ARSG: variants seen among roughly 807,000 people sequenced by gnomAD.
The protein encoded by ARSG is arylsulfatase G, also known as ASG.
In ARSG, 37 loss-of-function variants were observed where a neutral mutation model predicts 50.5. The ratio of observed to expected loss-of-function variants is 0.73; its 90% CI spans 0.56 to 0.96. The LOEUF (loss-of-function observed/expected upper bound fraction) is 0.96, where lower values mean the gene tolerates loss of function less well. Among genes scored for constraint, ARSG ranks in the 50% least tolerant of loss-of-function variants. The pLI, the probability that ARSG is intolerant of heterozygous loss-of-function variation, is 0.00. For synonymous variants in ARSG, 225 were observed against 254.6 expected (o/e 0.88, Z 1.11); for missense variants, 629 against 675.3 (o/e 0.93, Z 0.76).
rs879276732 is a variant in ARSG, at chr17:68,390,630, A to AT, written c.1092-4433dup. 2.3e-4 allele frequency among the ~76,000 whole-genome samples: 35 copies of AT among 149,766 alleles called. No individual in the cohort carries two copies. The East Asian group carries it at 5.1e-3, about 22-fold the overall frequency. On this transcript the variant is annotated intron_variant, in intron 9 of 11. Transcript: ENST00000621439. The stretch of plus-strand genomic sequence containing the variant: ...GTGCCAGAGTCCATGGAATTTTGGA[A>AT]TTTTTTTTTTAAGATGGAATTTCCC...
intron 11 of ARSG, among the ~76,000 whole-genome samples, chr17:68,412,633 C>T (rs1001786554): frequency 1.6e-4 from 24 of 152,170 alleles, no homozygotes; most frequent in South Asian, 4.1e-4. Flanking sequence ...ATCTTTGTGG[C>T]GTTCTCTGTA....
At chr17:68,361,868 A>T (rs2079305452) in intron 6 of ARSG, among the ~76,000 whole-genome samples, 1 of 152,192 alleles carries the variant, frequency 6.6e-6, no homozygotes, top group Non-Finnish European at 1.5e-5. Flanking sequence ...GTGAGCCGAG[A>T]TCATGCCATT....
chr17:68,291,399 C>T (rs2075982994), upstream of ARSG: 1 of 150,018 alleles, frequency 6.7e-6, no homozygotes, highest in Non-Finnish European at 1.5e-5. Flanking sequence ...ATACCGGCTG[C>T]AGCCGGTCTC....
At chr17:68,328,730 C>T (rs1387828691) in intron 2 of ARSG, among the ~76,000 whole-genome samples, 5 of 152,136 alleles carry the variant, frequency 3.3e-5, no homozygotes, top group African/African-American at 9.7e-5. Context: ...GAGGGATGTC[C>T]AGTGGTGTCT....
At position 68,274,043 on chromosome 17, in the gene ARSG, C is replaced by T. The variant is rs782723811; in HGVS notation, c.-552+14617C>T. On this transcript the variant is annotated intron_variant, in intron 1 of 11. Coordinates refer to the ARSG transcript ENST00000448504. ...CATCACTACCAGACGGTGTCCGAAA[C>T]GATTGCTCAGGACTGTGGCGAGGGG... 13 of 1,613,992 alleles carry T rather than the reference C, an allele frequency of 8.1e-6. No homozygotes were observed. In the East Asian group the frequency reaches 2.4e-4, roughly 30 times the overall value.
At chr17:68,394,629 T>C (rs1042133940) in intron 9 of ARSG, among the ~76,000 whole-genome samples, 6 of 152,080 alleles carry the variant, frequency 3.9e-5, no homozygotes, top group African/African-American at 1.2e-4. Flanking sequence ...CAAGACTCTG[T>C]CTCTAAAAAA....
chr17:68,288,580 C>T (rs1555754901), upstream of ARSG, among the ~76,000 whole-genome samples: 1 of 152,154 alleles, frequency 6.6e-6, no homozygotes, highest in South Asian at 2.1e-4. Flanking sequence ...CAAATCACTT[C>T]ACTTCCCCAT....
At chr17:68,440,773 A>T in the ARSG span, 1 of 152,242 alleles carries the variant, frequency 6.6e-6, no homozygotes, top group Non-Finnish European at 1.5e-5. Flanking sequence ...AAGTCCCATG[A>T]TTCTAAATGA....
chr17:68,272,480 G>A (rs1201557570), intron 1 of ARSG, among the ~76,000 whole-genome samples: 1 of 152,178 alleles, frequency 6.6e-6, no homozygotes, highest in Non-Finnish European at 1.5e-5. Flanking sequence ...GGGTTAGGGA[G>A]GACAGATCCT....
chr17:68,290,679 T>C (rs1490597438), upstream of ARSG, among the ~76,000 whole-genome samples: 2 of 152,218 alleles, frequency 1.3e-5, no homozygotes, highest in Admixed American at 1.3e-4. Context: ...AAGGTACCTC[T>C]GACATTTCGC....
intron 2 of ARSG, among the ~76,000 whole-genome samples, chr17:68,322,958 G>A (rs2077351718): frequency 6.6e-6 from 1 of 151,970 alleles, no homozygotes; most frequent in African/African-American, 2.4e-5. Flanking sequence ...ATTCTCACAA[G>A]GAGAATACAG....
chr17:68,430,008 C>T, the ARSG span: 1 of 1,614,094 alleles, frequency 6.2e-7, no homozygotes, highest in Non-Finnish European at 8.5e-7. Context: ...TGAGAGGGTA[C>T]AGATGTTCCT....
chr17:68,328,684 C>T (rs1175764788), intron 2 of ARSG, among the ~76,000 whole-genome samples: 1 of 152,162 alleles, frequency 6.6e-6, no homozygotes, highest in Non-Finnish European at 1.5e-5. Context: ...AGGTGATACG[C>T]ATGTGTCTGT....
the ARSG span, chr17:68,435,815 G>A: frequency 9.6e-7 from 1 of 1,038,278 alleles, no homozygotes; most frequent in Admixed American, 2.0e-5. Flanking sequence ...CCTTTGTCCA[G>A]CTCCCTGTCT....
chr17:68,303,089 G>C (rs2076479561), intron 1 of ARSG, among the ~76,000 whole-genome samples: 1 of 152,204 alleles, frequency 6.6e-6, no homozygotes, highest in Non-Finnish European at 1.5e-5. Flanking sequence ...CTAGGGGCTA[G>C]ATGCAATCAA....
At chr17:68,444,248 T>C in the ARSG span, among the ~76,000 whole-genome samples, 2 of 152,330 alleles carry the variant, frequency 1.3e-5, no homozygotes, top group South Asian at 2.1e-4. Context: ...TTTGCTGATA[T>C]GGGTCCCAGA....
At chr17:68,292,042 C>T (rs1181207036) in intron 1 of ARSG, among the ~76,000 whole-genome samples, 1 of 152,076 alleles carries the variant, frequency 6.6e-6, no homozygotes, top group African/African-American at 2.4e-5. Context: ...ACTCGCGCAC[C>T]CCCACAGTTC....
At chr17:68,318,077 C>T (rs1162985458) in intron 2 of ARSG, among the ~76,000 whole-genome samples, 19 of 144,272 alleles carry the variant, frequency 1.3e-4, no homozygotes, top group African/African-American at 2.4e-4. Context: ...CCAGACTGGG[C>T]GACAAGAGCG....
At chr17:68,327,144 A>G (rs1157450541) in intron 2 of ARSG, among the ~76,000 whole-genome samples, 1 of 151,648 alleles carries the variant, frequency 6.6e-6, no homozygotes, top group African/African-American at 2.4e-5. Context: ...GTAATGCATT[A>G]TTTAGCAGAG....
Sources: allele counts gnomAD v4.1 joint callset (sites outside exome capture counted in the v4.1 genomes callset), GRCh38; gene constraint gnomAD v4.1.1; transcripts MANE v1.5; gene names NCBI Gene and HGNC (gene_info 2026-07-23, HGNC 2026-07-21).